The following PIK3AP1 variants were observed in gnomAD, a reference collection of about 807,000 sequenced individuals.
The protein encoded by PIK3AP1 is phosphoinositide-3-kinase adaptor protein 1.
Under a neutral mutation model 88.1 loss-of-function variants are expected in PIK3AP1, and 21 were observed. The observed-to-expected ratio is 0.24, with a 90% CI of 0.17 to 0.34. The LOEUF is 0.34. PIK3AP1 is among the 10% of genes least tolerant of loss of function. PIK3AP1 has a pLI of 1.00. For synonymous variants in PIK3AP1, 398 were observed against 400.0 expected (o/e 1.00, Z 0.06); for missense variants, 828 against 1,035.7 (o/e 0.80, Z 2.75).
At chr10:96,655,986 C>T (rs1843609093) in intron 3 of PIK3AP1, among the ~76,000 whole-genome samples, 1 of 152,202 alleles carries the variant, frequency 6.6e-6, no homozygotes, top group Non-Finnish European at 1.5e-5. Context: ...AGTGCTTGCC[C>T]AATGCCTCAC....
At chr10:96,717,873 G>A (rs1844523663) in intron 1 of PIK3AP1, among the ~76,000 whole-genome samples, 1 of 152,204 alleles carries the variant, frequency 6.6e-6, no homozygotes, top group African/African-American at 2.4e-5. Context: ...TTCAAAGACA[G>A]GGAGCCTAAC....
At chr10:96,645,406 T>C in intron 8 of PIK3AP1, 67 bp downstream of exon 8, 1 of 1,550,422 alleles carries the variant, frequency 6.4e-7, no homozygotes, top group Non-Finnish European at 8.8e-7. Context: ...CGCGCCATCT[T>C]CATCCGGAAT....
Position 96,687,281 on chromosome 10 carries a change from AAAAAG to A in PIK3AP1, c.430+22281_430+22285del, listed in dbSNP as rs1306874063. On this transcript the variant is annotated intron_variant, in intron 2 of 16. Coordinates refer to ENST00000339364, the MANE Select transcript of PIK3AP1 (RefSeq NM_152309.3). ...AAAAAAAAAAAAAAAAAAAAAAAAA[AAAAAG>A]AAAAAAGATCTCCTCCTTTCAAGGA... 3.4e-4 allele frequency among the ~76,000 whole-genome samples: 43 copies of A among 127,660 alleles called. 1 individual carries two copies. The highest frequency in any genetic ancestry group is 4.0e-3 in the Middle Eastern group (1 of 250). The allele number at this position is 127,660 out of a possible 152,430, so 83.7% of individuals were successfully genotyped here.
chr10:96,597,942 TCTGAGGA>T lies in PIK3AP1; in HGVS notation c.2361-2315_2361-2309del, dbSNP rs574456991. Among the ~76,000 whole-genome samples the T allele has an allele frequency of 1.1e-3, 163 of 152,300 alleles. 1 individual carries two copies. The highest frequency in any genetic ancestry group is 3.7e-3 in the African/African-American group (155 of 41,560). On this transcript the variant is annotated intron_variant, in intron 16 of 16. Coordinates refer to ENST00000339364, the MANE Select transcript of PIK3AP1 (RefSeq NM_152309.3). ...TGGGCATACCCTCTCTAGGTTTCATTCTGAGGAACAACTCCAGCTAAAGATTGGAAGC... is the reference window on the plus strand; with the variant it reads ...TGGGCATACCCTCTCTAGGTTTCATTACAACTCCAGCTAAAGATTGGAAGC...
intron 4 of PIK3AP1, 78 bp downstream of exon 4, chr10:96,652,620 G>A (rs1313994865): frequency 6.7e-7 from 1 of 1,482,232 alleles, no homozygotes; most frequent in Non-Finnish European, 9.4e-7. Context: ...GATAATACCT[G>A]GCATTGGTGG....
intron 8 of PIK3AP1, among the ~76,000 whole-genome samples, chr10:96,633,394 TG>T (rs1843272781): frequency 6.6e-6 from 1 of 152,184 alleles, no homozygotes; most frequent in Non-Finnish European, 1.5e-5. Flanking sequence ...ATAATTATCT[TG>T]GGCCAAGTTT....
At chr10:96,611,918 C>A (rs60905374) in intron 13 of PIK3AP1, among the ~76,000 whole-genome samples, 1 of 151,940 alleles carries the variant, frequency 6.6e-6, no homozygotes, top group South Asian at 2.1e-4. Flanking sequence ...AGAACCAGTC[C>A]GAATGTTTAT....
At chr10:96,666,953 T>C (rs1843771663) in intron 2 of PIK3AP1, among the ~76,000 whole-genome samples, 1 of 151,992 alleles carries the variant, frequency 6.6e-6, no homozygotes, top group African/African-American at 2.4e-5. Flanking sequence ...ATTCCTGGTC[T>C]GGGGTTGTGA....
intron 2 of PIK3AP1, among the ~76,000 whole-genome samples, chr10:96,695,163 G>A (rs1844204176): frequency 6.6e-6 from 1 of 152,166 alleles, no homozygotes; most frequent in African/African-American, 2.4e-5. Context: ...CAGGCTTTGA[G>A]CAAGGATATT....
intron 2 of PIK3AP1, among the ~76,000 whole-genome samples, chr10:96,677,920 T>C (rs558154023): frequency 9.2e-5 from 14 of 152,300 alleles, no homozygotes; most frequent in African/African-American, 3.1e-4. Context: ...AGAAATTGTG[T>C]AGCTTTTAGA....
intron 13 of PIK3AP1, among the ~76,000 whole-genome samples, chr10:96,612,300 T>C (rs56355912): frequency 0.024 from 3,629 of 152,296 alleles, 63 homozygotes; most frequent in Non-Finnish European, 0.034. Flanking sequence ...ATCAACGCTC[T>C]GTACCAGCCC....
At chr10:96,610,019 T>A in intron 13 of PIK3AP1, 152 bp from the exon 14 acceptor site, 1 of 906,232 alleles carries the variant, frequency 1.1e-6, no homozygotes, top group Non-Finnish European at 1.7e-6. Context: ...GGAGGGGCCC[T>A]GGGTTGGTGG....
chr10:96,682,898 AT>A (rs1373769903), intron 2 of PIK3AP1, among the ~76,000 whole-genome samples: 1 of 152,184 alleles, frequency 6.6e-6, no homozygotes, highest in Non-Finnish European at 1.5e-5. Context: ...TTAAAAATCT[AT>A]TTTGAAAAAA....
chr10:96,655,391 C>A (rs12261109), intron 3 of PIK3AP1, among the ~76,000 whole-genome samples: 4,159 of 152,276 alleles, frequency 0.027, 163 homozygotes, highest in African/African-American at 0.094. Context: ...CCTGTAATCC[C>A]AGCTACTTGG....
intron 1 of PIK3AP1, among the ~76,000 whole-genome samples, chr10:96,713,624 TTTTGGGGC>T (rs1844466895): frequency 6.6e-6 from 1 of 151,066 alleles, no homozygotes; most frequent in Non-Finnish European, 1.5e-5. Flanking sequence ...GCAGCTTGGG[TTTTGGGGC>T]ACTGATTGAC....
chr10:96,606,925 G>A (rs554337956), intron 14 of PIK3AP1, among the ~76,000 whole-genome samples: 5 of 152,254 alleles, frequency 3.3e-5, no homozygotes, highest in African/African-American at 7.2e-5. Context: ...TGAAACTAGC[G>A]TCTGTTTTAA....
intron 2 of PIK3AP1, among the ~76,000 whole-genome samples, chr10:96,683,635 A>G (rs2282342): frequency 0.05 from 7,659 of 152,334 alleles, 427 homozygotes; most frequent in East Asian, 0.17. Flanking sequence ...GTCATTTTCC[A>G]TAAGCCAAAT....
intron 2 of PIK3AP1, chr10:96,700,896 T>C: frequency 9.1e-6 from 9 of 985,388 alleles, no homozygotes; most frequent in Non-Finnish European, 9.6e-6. Context: ...CTGCTGCCTG[T>C]GACGCGCCAA....
intron 2 of PIK3AP1, among the ~76,000 whole-genome samples, chr10:96,707,804 G>A (rs1470244392): frequency 6.6e-6 from 1 of 152,110 alleles, no homozygotes; most frequent in African/African-American, 2.4e-5. Context: ...AGTAATGAAA[G>A]GCAATCATGC....
Sources: gnomAD v4.1 joint callset for allele counts (sites outside exome capture counted in the v4.1 genomes callset) on GRCh38, gnomAD v4.1.1 for gene constraint, MANE v1.5 for transcripts, NCBI Gene and HGNC (gene_info 2026-07-23, HGNC 2026-07-21) for gene names.